PIWIL1: variants seen among roughly 807,000 people sequenced by gnomAD.
PIWIL1 encodes piwi like RNA-mediated gene silencing 1, also known as piwi-like protein 1.
A neutral mutation model predicts 114.4 loss-of-function variants in PIWIL1; 73 were observed. The ratio of observed to expected loss-of-function variants is 0.64; its 90% CI spans 0.53 to 0.78. The LOEUF is 0.78. Among genes scored for constraint, PIWIL1 ranks in the 30% least tolerant of loss-of-function variants. PIWIL1 has a pLI of 0.00. For missense variants in PIWIL1, 723 were observed against 1,063.1 expected (o/e 0.68, Z 4.45); for synonymous variants, 375 against 369.0 (o/e 1.02, Z -0.19).
chr12:130,404,236 A>G, the PIWIL1 span, among the ~76,000 whole-genome samples: 1 of 152,330 alleles, frequency 6.6e-6, no homozygotes, highest in African/African-American at 2.4e-5. Context: ...CATGTTTTCT[A>G]AATAACAGTG....
chr12:130,343,133 C>T lies in PIWIL1; in HGVS notation c.190+32C>T, dbSNP rs199564865. The T allele has an allele frequency of 7.7e-5, 114 of 1,472,536 alleles. No individual in the cohort carries two copies. The East Asian group carries it at 2.5e-3, about 33-fold the overall frequency. 91.2% of individuals were successfully genotyped at this position (1,472,536 alleles called of 1,614,324 possible). ...AGAAAGTAAAAGGAAGTCTTAACAA[C>T]TCTGTTCAACATATACAGCAAATTT... On this transcript the variant is annotated intron_variant, in intron 3 of 20. Coordinates refer to ENST00000245255, the MANE Select transcript of PIWIL1 (RefSeq NM_004764.5).
chr12:130,383,807 C>A, the PIWIL1 span: 1 of 152,176 alleles, frequency 6.6e-6, no homozygotes, highest in South Asian at 2.1e-4. Context: ...TTATGTTTCA[C>A]TGTAGAAATT....
At chr12:130,394,841 C>T in the PIWIL1 span, among the ~76,000 whole-genome samples, 3 of 92,210 alleles carry the variant, frequency 3.3e-5, no homozygotes, top group South Asian at 4.0e-4. Context: ...AACTGCAAAA[C>T]GAAATTTGGC....
chr12:130,361,539 C>T lies in PIWIL1; in HGVS notation c.1908C>T (p.Asp636=), dbSNP rs1201115287. Residue 636 remains aspartate, a synonymous_variant, in exon 16 of 21, where the codon GAC becomes GAT. Coordinates refer to ENST00000245255, the MANE Select transcript of PIWIL1 (RefSeq NM_004764.5). ...TCGTTGGCATCGATTGTTACCATGA[C>T]ATGACAGCTGGGCGGAGGTCAATCG... ...VMIVGIDCYH[D]MTAGRRSIAG... The T allele has an allele frequency of 1.2e-6, 2 of 1,614,230 alleles. No individual in the cohort carries two copies. The highest frequency in any genetic ancestry group is 2.2e-5 in the East Asian group (1 of 44,888).
chr12:130,392,846 CCGT>C, the PIWIL1 span, among the ~76,000 whole-genome samples: 1 of 138,520 alleles, frequency 7.2e-6, no homozygotes, highest in African/African-American at 2.8e-5. Flanking sequence ...GACCCGGTCA[CCGT>C]CATCACGTGT....
intron 1 of PIWIL1, 61 bp from the exon 2 acceptor site, chr12:130,342,519 A>T: frequency 2.1e-6 from 2 of 966,622 alleles, no homozygotes; most frequent in Non-Finnish European, 3.3e-6. Flanking sequence ...GTAACATTGT[A>T]GAAATTATCA....
downstream of PIWIL1, among the ~76,000 whole-genome samples, chr12:130,374,432 C>T (rs1442895588): frequency 2.0e-5 from 3 of 152,162 alleles, no homozygotes; most frequent in African/African-American, 7.2e-5. Flanking sequence ...TATTACTACC[C>T]AATGATTTTA....
intron 8 of PIWIL1, 28 bp from the exon 9 acceptor site, chr12:130,349,828 A>AT (rs775635571): frequency 1.6e-6 from 2 of 1,229,894 alleles, no homozygotes; most frequent in Non-Finnish European, 2.4e-6. Flanking sequence ...TTTCCATCAA[A>AT]TGCAGTCAAA....
At chr12:130,371,138 T>A in intron 19 of PIWIL1, 38 bp from the exon 20 acceptor site, 2 of 1,576,442 alleles carry the variant, frequency 1.3e-6, no homozygotes, top group Admixed American at 1.7e-5. Flanking sequence ...ACCCTAATTT[T>A]AGTTTTCAGC....
chr12:130,387,995 C>T, the PIWIL1 span, among the ~76,000 whole-genome samples: 1 of 152,172 alleles, frequency 6.6e-6, no homozygotes. Context: ...AACTTTAAAT[C>T]TCTAGAGTAG....
chr12:130,377,988 T>G, the PIWIL1 span, among the ~76,000 whole-genome samples: 1 of 152,238 alleles, frequency 6.6e-6, no homozygotes, highest in Non-Finnish European at 1.5e-5. Context: ...CCAACTTACA[T>G]GCCATTGCTT....
At chr12:130,358,027 C>T (rs1227800225) in intron 14 of PIWIL1, among the ~76,000 whole-genome samples, 3 of 152,150 alleles carry the variant, frequency 2.0e-5, no homozygotes, top group East Asian at 1.9e-4. Flanking sequence ...CACATCACCC[C>T]GAGGGGTCGG....
chr12:130,357,859 G>C (rs2073407603), intron 14 of PIWIL1, among the ~76,000 whole-genome samples: 1 of 152,150 alleles, frequency 6.6e-6, no homozygotes, highest in Non-Finnish European at 1.5e-5. Flanking sequence ...AAAGCACAGA[G>C]GTAAAAATCA....
intron 9 of PIWIL1, among the ~76,000 whole-genome samples, chr12:130,350,835 T>C (rs2073191740): frequency 6.6e-6 from 1 of 152,230 alleles, no homozygotes; most frequent in Non-Finnish European, 1.5e-5. Context: ...ATATTTTGCA[T>C]GGAAAGTATG....
chr12:130,388,067 T>C, the PIWIL1 span, among the ~76,000 whole-genome samples: 1 of 152,212 alleles, frequency 6.6e-6, no homozygotes, highest in Non-Finnish European at 1.5e-5. Context: ...CCATATGGAA[T>C]GCATAGTCGT....
chr12:130,387,561 C>G, the PIWIL1 span, among the ~76,000 whole-genome samples: 1 of 91,046 alleles, frequency 1.1e-5, no homozygotes, highest in Non-Finnish European at 2.2e-5. Flanking sequence ...CTTCCTGTCT[C>G]CATTCACCCA....
At chr12:130,338,880 G>A (rs1276214388) in intron 1 of PIWIL1, among the ~76,000 whole-genome samples, 2 of 149,726 alleles carry the variant, frequency 1.3e-5, no homozygotes, top group Admixed American at 6.6e-5. Flanking sequence ...GCCGGGGTGC[G>A]GGGGCGAGGT....
chr12:130,397,166 C>T, the PIWIL1 span: 1 of 350,180 alleles, frequency 2.9e-6, no homozygotes, highest in Admixed American at 4.7e-5. Flanking sequence ...AGCAGACTGC[C>T]AGCGGTGACA....
chr12:130,346,100 T>G (rs899542588), intron 4 of PIWIL1, among the ~76,000 whole-genome samples: 1 of 152,220 alleles, frequency 6.6e-6, no homozygotes, highest in South Asian at 2.1e-4. Flanking sequence ...TTAAAACTCT[T>G]TGCCATGAAG....
Sources: allele counts gnomAD v4.1 joint callset (sites outside exome capture counted in the v4.1 genomes callset), GRCh38; gene constraint gnomAD v4.1.1; transcripts MANE v1.5; gene names NCBI Gene and HGNC (gene_info 2026-07-23, HGNC 2026-07-21).